The following DGKB variants were observed in gnomAD, a reference collection of about 807,000 sequenced individuals.
DGKB encodes the protein 90 kDa diacylglycerol kinase.
In DGKB, 67 loss-of-function variants were observed where a neutral mutation model predicts 114.3. The observed-to-expected ratio is 0.59, with a 90% confidence interval of 0.48 to 0.72. DGKB has a LOEUF of 0.72. Among genes scored for constraint, DGKB ranks in the 30% least tolerant of loss-of-function variants. The probability of loss-of-function intolerance (pLI) is 0.00; values close to 1 mark genes in which losing one functional copy is unlikely to be tolerated. For synonymous variants in DGKB, 398 were observed against 323.1 expected (o/e 1.23, Z -2.49); for missense variants, 907 against 975.2 (o/e 0.93, Z 0.93).
chr7:14,255,238 A>G (rs1795792552), intron 23 of DGKB, among the ~76,000 whole-genome samples: 1 of 152,136 alleles, frequency 6.6e-6, no homozygotes, highest in South Asian at 2.1e-4. Context: ...ACAAAAATGA[A>G]AACATTCCCA....
chr7:14,542,742 T>A (rs929487855), intron 20 of DGKB, among the ~76,000 whole-genome samples: 6 of 152,182 alleles, frequency 3.9e-5, no homozygotes, highest in African/African-American at 1.4e-4. Flanking sequence ...TTTTTAACCA[T>A]GTGTCTCCTG....
At chr7:14,420,812 A>T (rs930975862) in intron 21 of DGKB, among the ~76,000 whole-genome samples, 105 of 152,220 alleles carry the variant, frequency 6.9e-4, no homozygotes, top group African/African-American at 2.5e-3. Context: ...AGTAGCCCAC[A>T]TGAAGCAGGA....
At chr7:14,302,189 T>C (rs1803679905) in intron 23 of DGKB, among the ~76,000 whole-genome samples, 3 of 152,080 alleles carry the variant, frequency 2.0e-5, no homozygotes, top group Admixed American at 2.0e-4. Context: ...AATGTATTCT[T>C]AGGTGTTAAG....
In DGKB at chr7:14,841,245, A is replaced by AT. The variant is rs770192218; in HGVS notation, c.18dup (p.Trp7MetfsTer17). 1 of 1,613,340 alleles carries AT rather than the reference A, an allele frequency of 6.2e-7. No homozygotes were observed. The highest frequency in any genetic ancestry group is 1.3e-5 in the African/African-American group (1 of 74,968). ...AATTCCGAAGGGCTGAGGTGGGCCCATTTTTCCTGGTTTGTCATGGTGGTG... is the reference window on the plus strand; with the variant it reads ...AATTCCGAAGGGCTGAGGTGGGCCCATTTTTTCCTGGTTTGTCATGGTGGTG... On this transcript the variant is annotated frameshift_variant, in exon 2 of 26. Coordinates refer to ENST00000402815, the MANE Select transcript of DGKB (RefSeq NM_001350709.2). LOFTEE classifies it high-confidence loss of function.
intron 20 of DGKB, among the ~76,000 whole-genome samples, chr7:14,494,564 G>A (rs1412923361): frequency 6.6e-6 from 1 of 151,752 alleles, no homozygotes; most frequent in African/African-American, 2.4e-5. Context: ...GCTTAATATG[G>A]CATTCACTTA....
chr7:14,717,758 A>C (rs543383463), intron 6 of DGKB, among the ~76,000 whole-genome samples: 1 of 152,220 alleles, frequency 6.6e-6, no homozygotes, highest in African/African-American at 2.4e-5. Context: ...ACCATATCTT[A>C]TATAATCAAA....
chr7:14,771,861 G>C (rs892840543), intron 2 of DGKB, among the ~76,000 whole-genome samples: 3 of 152,102 alleles, frequency 2.0e-5, no homozygotes, highest in African/African-American at 7.2e-5. Flanking sequence ...TTTTAGGTCT[G>C]ATAAGAAACA....
chr7:14,243,572 A>T (rs920365703), intron 23 of DGKB, among the ~76,000 whole-genome samples: 2 of 152,200 alleles, frequency 1.3e-5, no homozygotes, highest in African/African-American at 4.8e-5. Context: ...ATACCTTGGC[A>T]TGGCATTTCA....
chr7:14,491,632 A>C (rs2128933779), intron 20 of DGKB, among the ~76,000 whole-genome samples: 1 of 152,228 alleles, frequency 6.6e-6, no homozygotes, highest in South Asian at 2.1e-4. Context: ...ATTATTCAGA[A>C]ATTTAGAGGC....
chr7:14,223,950 T>G (rs1034799526), intron 23 of DGKB, among the ~76,000 whole-genome samples: 3 of 151,760 alleles, frequency 2.0e-5, no homozygotes, highest in Non-Finnish European at 2.9e-5. Context: ...TTTTTCCAGG[T>G]CCTTTTTTCC....
intron 25 of DGKB, among the ~76,000 whole-genome samples, chr7:14,167,145 A>C (rs1278918756): frequency 7.2e-6 from 1 of 139,230 alleles, no homozygotes; most frequent in Non-Finnish European, 1.5e-5. Context: ...CGGGAGGCGG[A>C]GGTTGCAGTG....
chr7:14,469,604 G>A (rs1224815477), intron 21 of DGKB, among the ~76,000 whole-genome samples: 2 of 151,898 alleles, frequency 1.3e-5, no homozygotes, highest in Admixed American at 1.3e-4. Context: ...TATTAATGGT[G>A]CCAAGAAATG....
chr7:14,491,647 TG>T (rs1262545043), intron 20 of DGKB, among the ~76,000 whole-genome samples: 1 of 152,118 alleles, frequency 6.6e-6, no homozygotes, highest in African/African-American at 2.4e-5. Context: ...AGAGGCTGCT[TG>T]TGTCCATAAT....
At chr7:14,491,738 A>G (rs565564509) in intron 20 of DGKB, among the ~76,000 whole-genome samples, 3 of 152,236 alleles carry the variant, frequency 2.0e-5, no homozygotes, top group Admixed American at 1.3e-4. Context: ...AATATCGTTG[A>G]TTGATTCTTT....
At chr7:14,239,304 T>G (rs1793295882) in intron 23 of DGKB, among the ~76,000 whole-genome samples, 2 of 151,712 alleles carry the variant, frequency 1.3e-5, no homozygotes, top group Non-Finnish European at 2.9e-5. Flanking sequence ...TCAAAAAGTT[T>G]TTTTAAATGT....
intron 23 of DGKB, among the ~76,000 whole-genome samples, chr7:14,286,804 G>T (rs995916685): frequency 1.3e-5 from 2 of 151,998 alleles, no homozygotes; most frequent in Non-Finnish European, 2.9e-5. Context: ...AACATATTTT[G>T]GTTATTATTA....
intron 21 of DGKB, among the ~76,000 whole-genome samples, chr7:14,367,970 T>G (rs1008621842): frequency 1.3e-5 from 2 of 152,118 alleles, no homozygotes; most frequent in African/African-American, 4.8e-5. Context: ...AGATGAGATT[T>G]GGGTGGGGAC....
intron 9 of DGKB, among the ~76,000 whole-genome samples, chr7:14,686,312 A>C: frequency 6.6e-6 from 1 of 152,190 alleles, no homozygotes; most frequent in East Asian, 1.9e-4. Context: ...AACTCCTTAC[A>C]AGAAGGTCAA....
chr7:14,220,110 A>G (rs1408732043), intron 23 of DGKB, among the ~76,000 whole-genome samples: 2 of 151,662 alleles, frequency 1.3e-5, no homozygotes, highest in Non-Finnish European at 3.0e-5. Context: ...CCCGGCTACA[A>G]AACTGTACAG....
Sources: gnomAD v4.1 joint callset for allele counts (sites outside exome capture counted in the v4.1 genomes callset) on GRCh38, gnomAD v4.1.1 for gene constraint, MANE v1.5 for transcripts, NCBI Gene and HGNC (gene_info 2026-07-23, HGNC 2026-07-21) for gene names.